TMEM245: variants seen among roughly 807,000 people sequenced by gnomAD.
The protein encoded by TMEM245 is transmembrane protein 245.
Under a neutral mutation model 101.2 loss-of-function variants are expected in TMEM245, and 69 were observed. That is an observed-to-expected ratio of 0.68 (90% CI 0.56 to 0.83). The LOEUF (loss-of-function observed/expected upper bound fraction) is 0.83, where lower values mean the gene tolerates loss of function less well. TMEM245 is among the 40% of genes least tolerant of loss of function. TMEM245 has a pLI of 0.00. For missense variants in TMEM245, 1,075 were observed against 1,092.8 expected, an observed-to-expected ratio of 0.98 and a Z score of 0.23; for synonymous variants, 537 against 449.8, an observed-to-expected ratio of 1.19 and a Z score of -2.45.
chr9:109,102,686 A>T (rs1053814523), intron 3 of TMEM245, among the ~76,000 whole-genome samples: 1 of 152,244 alleles, frequency 6.6e-6, no homozygotes, highest in Non-Finnish European at 1.5e-5. Flanking sequence ...GTAGACAGTG[A>T]GATTTTGAGT....
chr9:109,074,459 C>G (rs1300077412), intron 8 of TMEM245, among the ~76,000 whole-genome samples: 1 of 152,122 alleles, frequency 6.6e-6, no homozygotes, highest in Non-Finnish European at 1.5e-5. Flanking sequence ...TATTACGATT[C>G]ACGAGTAACA....
At chr9:109,112,595 C>T (rs1830595955) in intron 1 of TMEM245, among the ~76,000 whole-genome samples, 1 of 150,580 alleles carries the variant, frequency 6.6e-6, no homozygotes, top group Admixed American at 6.6e-5. Flanking sequence ...GGAAAGATGG[C>T]CACAGTACAA....
intron 1 of TMEM245, among the ~76,000 whole-genome samples, chr9:109,118,298 T>C (rs1319051119): frequency 1.3e-5 from 2 of 152,224 alleles, no homozygotes; most frequent in Non-Finnish European, 2.9e-5. Flanking sequence ...AAAACACCGC[T>C]AGACAGATAA....
intron 14 of TMEM245, among the ~76,000 whole-genome samples, chr9:109,045,551 G>C (rs1459360023): frequency 6.6e-6 from 1 of 152,164 alleles, no homozygotes; most frequent in Non-Finnish European, 1.5e-5. Flanking sequence ...CCTAGTGATT[G>C]TGGATGCTTA....
chr9:109,027,368 CA>C (rs1161536260), intron 17 of TMEM245, among the ~76,000 whole-genome samples: 3 of 151,736 alleles, frequency 2.0e-5, no homozygotes, highest in African/African-American at 7.3e-5. Context: ...GAAGGTAAAA[CA>C]AAAAGCGTCT....
intron 11 of TMEM245, 60 bp from the exon 12 acceptor site, chr9:109,057,382 T>C: frequency 6.4e-7 from 1 of 1,569,418 alleles, no homozygotes; most frequent in Middle Eastern, 1.7e-4. Context: ...ACAGAAAGTA[T>C]AAATGTCACA....
intron 5 of TMEM245, among the ~76,000 whole-genome samples, 169 bp from the exon 6 acceptor site, chr9:109,087,511 G>A (rs907073513): frequency 3.3e-5 from 5 of 152,126 alleles, no homozygotes; most frequent in Non-Finnish European, 5.9e-5. Flanking sequence ...CACACAGATG[G>A]AATTGGACCA....
intron 5 of TMEM245, among the ~76,000 whole-genome samples, chr9:109,088,407 T>C (rs774418033): frequency 1.3e-5 from 2 of 152,276 alleles, no homozygotes; most frequent in African/African-American, 4.8e-5. Flanking sequence ...CAAATTCCTA[T>C]GATGACTAGA....
intron 3 of TMEM245, among the ~76,000 whole-genome samples, chr9:109,104,291 C>A (rs1225600997): frequency 6.6e-6 from 1 of 151,806 alleles, no homozygotes; most frequent in Non-Finnish European, 1.5e-5. Flanking sequence ...TCAAAACATT[C>A]CATGTACCCC....
intron 4 of TMEM245, among the ~76,000 whole-genome samples, 187 bp downstream of exon 4, chr9:109,093,288 G>A (rs984022624): frequency 2.6e-5 from 4 of 152,086 alleles, no homozygotes; most frequent in Admixed American, 6.6e-5. Flanking sequence ...ATAATTACAT[G>A]TATTTAAAAA....
intron 4 of TMEM245, among the ~76,000 whole-genome samples, chr9:109,093,165 G>C (rs538736418): frequency 4.0e-5 from 6 of 151,618 alleles, no homozygotes; most frequent in Non-Finnish European, 7.4e-5. Context: ...AAATGGAGAC[G>C]GAGAAAAGGA....
chr9:109,041,347 G>A (rs751123968), intron 14 of TMEM245, among the ~76,000 whole-genome samples: 20 of 151,846 alleles, frequency 1.3e-4, no homozygotes, highest in African/African-American at 3.9e-4. Flanking sequence ...GGACATTATG[G>A]TAAGTTAAAT....
At position 109,070,968 on chromosome 9, in the gene TMEM245, G is replaced by A. The variant is rs541265403; in HGVS notation, c.1532+2388C>T. Among the ~76,000 whole-genome samples, 11 of 152,156 alleles carry A rather than the reference G, an allele frequency of 7.2e-5. No individual in the cohort carries two copies. In the East Asian group the frequency reaches 1.2e-3, roughly 16 times the overall value. ...GCAATCTTGGCTCACTGCAACCTCC[G>A]TCTCCCGAGTTCAAGCGATTCATGT... On this transcript the variant is annotated intron_variant, in intron 9 of 17. Coordinates refer to ENST00000374586, the MANE Select transcript of TMEM245 (RefSeq NM_032012.4).
At chr9:109,103,484 G>A (rs1258428774) in intron 3 of TMEM245, among the ~76,000 whole-genome samples, 3 of 152,136 alleles carry the variant, frequency 2.0e-5, no homozygotes, top group Admixed American at 6.5e-5. Context: ...AAACCTAAAT[G>A]TCCATCAACA....
chr9:109,115,736 G>T (rs1049876434), intron 1 of TMEM245, among the ~76,000 whole-genome samples: 1 of 151,720 alleles, frequency 6.6e-6, no homozygotes, highest in Non-Finnish European at 1.5e-5. Context: ...CACCATGTTG[G>T]CCAGGCTGGT....
rs148638168 is a variant in TMEM245 at position 109,069,175 on chromosome 9, A to G, written c.1532+4181T>C. Among the ~76,000 whole-genome samples, 755 of 152,278 alleles carry G rather than the reference A, an allele frequency of 5.0e-3. 2 individuals are homozygous for G. Among genetic ancestry groups the G allele is most frequent in the Non-Finnish European group, 7.8e-3 (532 of 68,026 alleles). On this transcript the variant is annotated intron_variant, in intron 9 of 17. Transcript: ENST00000374586. ...ACAAAAGACAAACCTTTCTTCTACT[A>G]CCTGATCTGGGGCTGCTCAGATTGT...
rs569169832 is a variant in TMEM245 at position 109,026,730 on chromosome 9, G to T, written c.2595-6225C>A. ...TGTGATCCCTAATGTTGAAGGTGAG[G>T]CCTAGTGGGAGGTGTTTGGGCCACA... On this transcript the variant is annotated intron_variant, in intron 17 of 17. Transcript: ENST00000374586. 4.0e-5 allele frequency among the ~76,000 whole-genome samples: 6 copies of T among 151,350 alleles called. No individual in the cohort carries two copies. In the East Asian group the frequency reaches 9.7e-4, roughly 24 times the overall value.
intron 9 of TMEM245, among the ~76,000 whole-genome samples, chr9:109,071,821 C>T (rs1172333183): frequency 2.0e-5 from 3 of 152,298 alleles, no homozygotes; most frequent in Admixed American, 2.0e-4. Context: ...GATAACACAG[C>T]TCTGCTGAAC....
intron 9 of TMEM245, among the ~76,000 whole-genome samples, chr9:109,068,975 G>A (rs1369277761): frequency 6.6e-6 from 1 of 152,162 alleles, no homozygotes; most frequent in Admixed American, 6.5e-5. Flanking sequence ...AAGCTACATA[G>A]AGGATGAAAT....
Sources: gnomAD v4.1 joint callset for allele counts (sites outside exome capture counted in the v4.1 genomes callset) on GRCh38, gnomAD v4.1.1 for gene constraint, MANE v1.5 for transcripts, NCBI Gene and HGNC (gene_info 2026-07-23, HGNC 2026-07-21) for gene names.